ARHGAP42: variants seen among roughly 807,000 people sequenced by gnomAD.
ARHGAP42 encodes the protein rho GTPase-activating protein 42.
In ARHGAP42, 63 loss-of-function variants were observed where a neutral mutation model predicts 125.0. The observed-to-expected ratio is 0.50, with a 90% CI of 0.41 to 0.62. The LOEUF (loss-of-function observed/expected upper bound fraction) is 0.62, where lower values mean the gene tolerates loss of function less well. Among genes scored for constraint, ARHGAP42 ranks in the 20% least tolerant of loss-of-function variants. ARHGAP42 has a pLI of 0.00. For synonymous variants in ARHGAP42, 339 were observed against 351.0 expected (o/e 0.97, Z 0.38); for missense variants, 766 against 1,024.2 (o/e 0.75, Z 3.44).
chr11:100,973,858 A>G (rs1858318979), intron 18 of ARHGAP42, among the ~76,000 whole-genome samples: 1 of 152,176 alleles, frequency 6.6e-6, no homozygotes, highest in South Asian at 2.1e-4. Context: ...AACAATTTGT[A>G]ATCCTTTTAT....
intron 12 of ARHGAP42, among the ~76,000 whole-genome samples, chr11:100,955,124 A>G (rs1857769959): frequency 6.6e-6 from 1 of 151,960 alleles, no homozygotes; most frequent in African/African-American, 2.4e-5. Context: ...TCCTTTCCTC[A>G]TGGCTGTTTG....
intron 3 of ARHGAP42, among the ~76,000 whole-genome samples, chr11:100,799,314 T>C (rs1863796087): frequency 6.6e-6 from 1 of 152,206 alleles, no homozygotes; most frequent in Non-Finnish European, 1.5e-5. Flanking sequence ...GAGACAGCCA[T>C]GCAGTGTGAC....
At position 100,927,136 on chromosome 11, in the gene ARHGAP42, C is replaced by T. The variant is rs373364497; in HGVS notation, c.597+5532C>T. On this transcript the variant is annotated intron_variant, in intron 6 of 23. Transcript: ENST00000298815. ...ATGTTATAGCTTGTTATTATCAAGA[C>T]GTATACTATAAAATACTTTTCAGAG... 3.3e-5 allele frequency among the ~76,000 whole-genome samples: 5 copies of T among 152,170 alleles called. No individual in the cohort carries two copies. The South Asian group carries it at 8.3e-4, about 25-fold the overall frequency.
chr11:100,784,179 T>C (rs903565873), intron 2 of ARHGAP42, among the ~76,000 whole-genome samples: 1 of 152,138 alleles, frequency 6.6e-6, no homozygotes, highest in Non-Finnish European at 1.5e-5. Flanking sequence ...TACAGGAATG[T>C]ATAGTAGTTT....
intron 22 of ARHGAP42, among the ~76,000 whole-genome samples, chr11:100,980,714 G>A (rs976379909): frequency 1.3e-5 from 2 of 151,490 alleles, no homozygotes; most frequent in African/African-American, 4.8e-5. Flanking sequence ...GGGATTACAG[G>A]TGTGTGCCAC....
chr11:100,956,564 C>G (rs2135292909), intron 12 of ARHGAP42, among the ~76,000 whole-genome samples: 1 of 143,796 alleles, frequency 7.0e-6, no homozygotes, highest in South Asian at 2.3e-4. Flanking sequence ...ATGTGTATCA[C>G]ATGACCAAGC....
At chr11:100,899,803 TTA>T (rs1335821385) in intron 4 of ARHGAP42, among the ~76,000 whole-genome samples, 33 of 151,234 alleles carry the variant, frequency 2.2e-4, no homozygotes, top group African/African-American at 7.8e-4. Flanking sequence ...GTGTATGTCT[TTA>T]CATGTGGGAT....
Position 100,987,554 on chromosome 11 carries a change from A to G in ARHGAP42, c.2498A>G (p.His833Arg). ...AMYSCKAEHS[H>R]ELSFPQGAIF... The stretch of plus-strand genomic sequence containing the variant: ...TACTCCTGTAAAGCAGAGCACAGTC[A>G]TGAGCTTTCCTTCCCACAAGGAGCA... The change falls in exon 23 of 24, where the codon CAT becomes CGT. Residue 833 changes from histidine to arginine, a missense_variant. Physicochemically the swap from His to Arg is conservative, Grantham distance 29. Around this residue, in one of 3 missense-constraint regions of ARHGAP42, gnomAD observed 308 missense variants for 369.7 expected, o/e 0.83. Coordinates refer to ENST00000298815, the MANE Select transcript of ARHGAP42 (RefSeq NM_152432.4). The G allele has an allele frequency of 6.4e-7, 1 of 1,551,892 alleles. No homozygotes were observed. The highest frequency in any genetic ancestry group is 2.4e-5 in the East Asian group (1 of 40,892).
Position 100,936,232 on chromosome 11 carries a change from A to G in ARHGAP42, c.732A>G (p.Gln244=), listed in dbSNP as rs1255547347. The G allele has an allele frequency of 4.5e-6, 7 of 1,551,686 alleles. No individual in the cohort carries two copies. The highest frequency in any genetic ancestry group is 6.1e-6 in the Non-Finnish European group (7 of 1,146,954). Residue 244 remains glutamine, a synonymous_variant, in exon 8 of 24, where the codon CAA becomes CAG. Coordinates refer to ENST00000298815, the MANE Select transcript of ARHGAP42 (RefSeq NM_152432.4). ...NTRNNFESTR[Q]EVERLMQRMK... ...GGAATAATTTTGAAAGTACTCGACA[A>G]GAGGTAGAGCGGTTGATGCAAAGGA...
intron 12 of ARHGAP42, among the ~76,000 whole-genome samples, chr11:100,957,225 A>C (rs976596227): frequency 6.6e-6 from 1 of 152,092 alleles, no homozygotes; most frequent in Non-Finnish European, 1.5e-5. Flanking sequence ...CTCTCATCTA[A>C]TTAGAACTAA....
At chr11:100,953,242 C>T (rs1168232701) in intron 12 of ARHGAP42, among the ~76,000 whole-genome samples, 1 of 152,056 alleles carries the variant, frequency 6.6e-6, no homozygotes, top group Non-Finnish European at 1.5e-5. Context: ...AGCCCTAACT[C>T]ACCGGCCACT....
chr11:100,903,732 ATATATATATATATATATATATATG>A (rs1458382762), intron 4 of ARHGAP42, among the ~76,000 whole-genome samples: 1 of 104,538 alleles, frequency 9.6e-6, no homozygotes, highest in African/African-American at 3.4e-5. Flanking sequence ...ATATATATAT[ATATATATATATATATATATATATG>A]TATGTAAAGG....
chr11:100,976,355 C>T lies in ARHGAP42; in HGVS notation c.2154C>T (p.Asp718=), dbSNP rs1858390863. Residue 718 remains aspartate (D), a synonymous_variant, in exon 20 of 24, where the codon GAC becomes GAT. Coordinates refer to ENST00000298815, the MANE Select transcript of ARHGAP42 (RefSeq NM_152432.4). The part of the protein sequence containing the change: ...TSPGDVSPPI[D]LVKKEPYGLS... ...CAGGAGACGTTTCCCCACCCATAGA[C>T]CTAGTCAAGAAAGAGCCTTATGGGC... The T allele has an allele frequency of 6.4e-7, 1 of 1,551,530 alleles. No homozygotes were observed. The highest frequency in any genetic ancestry group is 8.7e-7 in the Non-Finnish European group (1 of 1,146,740).
chr11:100,964,715 A>G (rs1343160003), intron 16 of ARHGAP42, among the ~76,000 whole-genome samples: 1 of 152,196 alleles, frequency 6.6e-6, no homozygotes, highest in East Asian at 1.9e-4. Context: ...TTGGCAGACG[A>G]CACTTGCCAT....
In ARHGAP42 at chr11:100,722,393, C is replaced by CT. The variant is rs199744764; in HGVS notation, c.154+34578dup. 9.4e-3 allele frequency among the ~76,000 whole-genome samples: 1,265 copies of CT among 135,154 alleles called. 16 individuals carry two copies. The highest frequency in any genetic ancestry group is 0.029 in the African/African-American group (1,090 of 37,292). The allele number at this position is 135,154 out of a possible 152,430, so 88.7% of individuals were successfully genotyped here. ...GCAAAGTTTTAAAAAAAATTTATTA[C>CT]TTTTTTTTTTTTTTTTTGAGACAGA... On this transcript the variant is annotated intron_variant, in intron 1 of 23. Transcript: ENST00000298815.
chr11:100,965,616 T>C (rs1472270303), intron 16 of ARHGAP42, 55 bp from the exon 17 acceptor site: 1 of 1,382,998 alleles, frequency 7.2e-7, no homozygotes, highest in Admixed American at 2.0e-5. Context: ...AATGTTTACA[T>C]ACCCAATTGA....
At position 100,871,510 on chromosome 11, in the gene ARHGAP42, C is replaced by A. The variant is rs1466057176; in HGVS notation, c.384+11885C>A. 2.1e-5 allele frequency among the ~76,000 whole-genome samples: 3 copies of A among 145,042 alleles called. 1 individual carries two copies. The highest frequency in any genetic ancestry group is 7.7e-5 in the African/African-American group (3 of 38,894). ...GCAGTGAGCCGAGATTGCGCCACTG[C>A]ACTCCAGCCTGGGTGACGGAGGGAG... On this transcript the variant is annotated intron_variant, in intron 4 of 23. Coordinates refer to ENST00000298815, the MANE Select transcript of ARHGAP42 (RefSeq NM_152432.4).
At chr11:100,785,956 C>G (rs1863422442) in intron 2 of ARHGAP42, among the ~76,000 whole-genome samples, 1 of 152,162 alleles carries the variant, frequency 6.6e-6, no homozygotes, top group South Asian at 2.1e-4. Flanking sequence ...GCTTCTCTAC[C>G]TACTAGCTCT....
intron 4 of ARHGAP42, among the ~76,000 whole-genome samples, chr11:100,910,883 C>A (rs371155857): frequency 1.3e-5 from 2 of 151,950 alleles, no homozygotes; most frequent in East Asian, 3.9e-4. Flanking sequence ...TGTGAAGGGG[C>A]CTGGTTTGAA....
Sources: allele counts gnomAD v4.1 joint callset (sites outside exome capture counted in the v4.1 genomes callset), GRCh38; gene constraint gnomAD v4.1.1; regional missense constraint gnomAD v4.1.1; transcripts MANE v1.5; gene names NCBI Gene and HGNC (gene_info 2026-07-23, HGNC 2026-07-21).